The following GAS7 variants were observed in gnomAD, a reference collection of about 807,000 sequenced individuals.
The protein encoded by GAS7 is growth arrest specific 7.
Under a neutral mutation model 71.1 loss-of-function variants are expected in GAS7, and 28 were observed. That is an observed-to-expected ratio of 0.39 (90% CI 0.29 to 0.54). The LOEUF is 0.54. Among genes scored for constraint, GAS7 ranks in the 20% least tolerant of loss-of-function variants. The probability of loss-of-function intolerance (pLI) is 0.62; values close to 1 mark genes in which losing one functional copy is unlikely to be tolerated. For synonymous variants in GAS7, 258 were observed against 245.8 expected (o/e 1.05, Z -0.46); for missense variants, 436 against 627.8 (o/e 0.69, Z 3.27).
chr17:10,092,267 T>C (rs2073591398), intron 1 of GAS7, among the ~76,000 whole-genome samples: 1 of 152,192 alleles, frequency 6.6e-6, no homozygotes, highest in Admixed American at 6.5e-5. Flanking sequence ...GCCAACCGCA[T>C]CTAAAATACC....
intron 1 of GAS7, among the ~76,000 whole-genome samples, chr17:10,067,917 C>CT (rs1489959671): frequency 3.9e-5 from 6 of 152,334 alleles, no homozygotes; most frequent in Non-Finnish European, 1.5e-5. Context: ...AACCTTGACA[C>CT]TAACCACTGA....
intron 2 of GAS7, among the ~76,000 whole-genome samples, chr17:10,007,791 G>A (rs2071600390): frequency 6.6e-6 from 1 of 151,636 alleles, no homozygotes; most frequent in South Asian, 2.1e-4. Flanking sequence ...AATGGTTTTT[G>A]GTGTAGTTGC....
In GAS7 at chr17:9,974,164, A is replaced by G. The variant is rs7208058; in HGVS notation, c.386-4402T>C. 0.15 allele frequency among the ~76,000 whole-genome samples: 22,173 copies of G among 152,186 alleles called. 1,801 individuals carry two copies. The highest frequency in any genetic ancestry group is 0.21 in the African/African-American group (8,766 of 41,496). On this transcript the variant is annotated intron_variant, in intron 3 of 13. Transcript: ENST00000432992. The surrounding 1 kb of genome is among the most constrained non-coding windows in gnomAD (Gnocchi z 4.0). ...GCTAATTACTGCTCATGTCAAAACA[A>G]TTACGAGGAAAGAAAACACAGTTTT... is the stretch of plus-strand genomic sequence containing the variant.
chr17:10,170,217 G>C (rs533224116), intron 1 of GAS7, among the ~76,000 whole-genome samples: 194 of 151,366 alleles, frequency 1.3e-3, no homozygotes, highest in African/African-American at 4.5e-3. Context: ...TAAACATCCA[G>C]CTGGCTCAAG....
intron 1 of GAS7, among the ~76,000 whole-genome samples, chr17:10,081,401 G>T (rs1301739305): frequency 6.6e-6 from 1 of 152,106 alleles, no homozygotes; most frequent in Non-Finnish European, 1.5e-5. Flanking sequence ...TGATCCACCC[G>T]CCTCGGCCTC....
intron 5 of GAS7, among the ~76,000 whole-genome samples, chr17:9,949,230 G>A (rs1033923964): frequency 2.0e-5 from 3 of 151,110 alleles, no homozygotes; most frequent in Non-Finnish European, 4.4e-5. Context: ...GCGTCCAAGG[G>A]GCAGATCCTG....
intron 1 of GAS7, among the ~76,000 whole-genome samples, chr17:10,179,746 A>T (rs1244490600): frequency 1.3e-5 from 2 of 152,224 alleles, no homozygotes; most frequent in Admixed American, 1.3e-4. Flanking sequence ...CAGAACCAAG[A>T]TTGAAACTGA....
chr17:10,110,197 C>T (rs549408548), intron 1 of GAS7, among the ~76,000 whole-genome samples: 2 of 152,102 alleles, frequency 1.3e-5, no homozygotes, highest in Admixed American at 6.5e-5. Flanking sequence ...ATATATACAC[C>T]GTGGAATTCT....
intron 1 of GAS7, among the ~76,000 whole-genome samples, chr17:10,127,671 G>A (rs906766995): frequency 6.6e-6 from 1 of 152,184 alleles, no homozygotes; most frequent in Non-Finnish European, 1.5e-5. Flanking sequence ...CCCGATTCCA[G>A]GGCTCTGATG....
At chr17:10,149,836 C>T (rs1485298062) in intron 1 of GAS7, among the ~76,000 whole-genome samples, 1 of 152,086 alleles carries the variant, frequency 6.6e-6, no homozygotes, top group African/African-American at 2.4e-5. Flanking sequence ...TGAAATAAGC[C>T]AGACACAAAA....
intron 1 of GAS7, among the ~76,000 whole-genome samples, chr17:10,031,781 T>C (rs1478961824): frequency 2.6e-5 from 4 of 152,204 alleles, no homozygotes; most frequent in African/African-American, 9.6e-5. Flanking sequence ...GTCCTTTTCG[T>C]TGGTGGCATC....
At chr17:10,124,184 C>T (rs2073926760) in intron 1 of GAS7, among the ~76,000 whole-genome samples, 2 of 152,336 alleles carry the variant, frequency 1.3e-5, no homozygotes, top group East Asian at 1.9e-4. Flanking sequence ...CTCCAACCAG[C>T]CCCTCGTGGC....
Position 9,959,669 on chromosome 17 carries a change from C to T in GAS7, c.472-414G>A, listed in dbSNP as rs141174497. On this transcript the variant is annotated intron_variant, in intron 4 of 13. Transcript: ENST00000432992. This position sits in a 1 kb window ranked among gnomAD's most constrained non-coding sequence, Gnocchi z 5.0. ...CTCCTGGCACTGAGGAATCAGCACACGACATTTTATTCTGAAACCCCCCGG... is the reference window on the plus strand; with the variant it reads ...CTCCTGGCACTGAGGAATCAGCACATGACATTTTATTCTGAAACCCCCCGG... Among the ~76,000 whole-genome samples the T allele has an allele frequency of 2.8e-3, 426 of 152,270 alleles. 1 individual carries two copies. Among genetic ancestry groups the T allele is most frequent in the Non-Finnish European group, 5.1e-3 (346 of 68,028 alleles).
chr17:10,152,146 G>A (rs1303534007), intron 1 of GAS7, among the ~76,000 whole-genome samples: 1 of 152,166 alleles, frequency 6.6e-6, no homozygotes, highest in East Asian at 1.9e-4. Context: ...GCCCCAACTA[G>A]AGAGCCACTG....
chr17:10,006,275 T>C (rs1432124697), intron 2 of GAS7, among the ~76,000 whole-genome samples: 1 of 147,762 alleles, frequency 6.8e-6, no homozygotes, highest in East Asian at 2.0e-4. Flanking sequence ...GCCAGGGTGC[T>C]AAGCAGAATG....
chr17:9,917,340 G>A lies in GAS7; in HGVS notation c.1319C>T (p.Thr440Ile). 1.9e-6 allele frequency: 3 copies of A among 1,607,452 alleles called. No homozygotes were observed. Among genetic ancestry groups the A allele is most frequent in the Non-Finnish European group, 2.6e-6 (3 of 1,173,830 alleles). ...AAGCAGCTGATCCACGGGCTCGACT[G>A]TCTGCAAGAGACAGAGAAAATGCGA... ...RHETDMFNQSTVEPVDQLLRK... is the reference protein window; with the variant it reads ...RHETDMFNQSIVEPVDQLLRK... Residue 440 changes from threonine (T) to isoleucine (I), a missense_variant and splice_region_variant, in exon 14 of 14, where the codon ACA becomes ATA. Coordinates refer to ENST00000432992, the MANE Select transcript of GAS7 (RefSeq NM_201433.2).
chr17:9,912,194 C>T lies in GAS7; in HGVS notation c.*5034G>A, dbSNP rs1173812220. ...CTCATAAAACTCTTAATTTTAGCTCCATTTGAATCTAAATGGAAAAGTACC... is the reference window on the plus strand; with the variant it reads ...CTCATAAAACTCTTAATTTTAGCTCTATTTGAATCTAAATGGAAAAGTACC... On this transcript the variant is annotated 3_prime_UTR_variant, in exon 14 of 14. Coordinates refer to ENST00000432992, the MANE Select transcript of GAS7 (RefSeq NM_201433.2). 1 of 232,608 alleles carries T rather than the reference C, an allele frequency of 4.3e-6. No individual in the cohort carries two copies. Among genetic ancestry groups the T allele is most frequent in the African/African-American group, 2.2e-5 (1 of 45,296 alleles). 14.4% of individuals were successfully genotyped at this position (232,608 alleles called of 1,614,324 possible).
intron 2 of GAS7, among the ~76,000 whole-genome samples, chr17:9,990,772 T>C (rs1240717048): frequency 6.6e-6 from 1 of 152,164 alleles, no homozygotes; most frequent in Non-Finnish European, 1.5e-5. Flanking sequence ...TCCAGGGCAG[T>C]AGTTCTCAAA....
At chr17:10,051,130 C>G (rs1204374350) in intron 1 of GAS7, among the ~76,000 whole-genome samples, 1 of 152,188 alleles carries the variant, frequency 6.6e-6, no homozygotes, top group Admixed American at 6.5e-5. Flanking sequence ...CATCTTTTTT[C>G]TTTCCCACAT....
Sources: allele counts gnomAD v4.1 joint callset (sites outside exome capture counted in the v4.1 genomes callset), GRCh38; gene constraint gnomAD v4.1.1; non-coding constraint Gnocchi (gnomAD v3.1); transcripts MANE v1.5; gene names NCBI Gene and HGNC (gene_info 2026-07-23, HGNC 2026-07-21).